The following SS18 variants were observed in gnomAD, a reference collection of about 807,000 sequenced individuals.
SS18 encodes the protein protein SSXT.
In SS18, 28 loss-of-function variants were observed where a neutral mutation model predicts 72.5. That is an observed-to-expected ratio of 0.39 (90% confidence interval 0.29 to 0.53). The LOEUF (loss-of-function observed/expected upper bound fraction) is 0.53. SS18 is among the 20% of genes least tolerant of loss of function. The probability of loss-of-function intolerance (pLI) is 0.76; values close to 1 mark genes in which losing one functional copy is unlikely to be tolerated. For synonymous variants in SS18, 172 were observed against 164.2 expected, an observed-to-expected ratio of 1.05 and a Z score of -0.37; for missense variants, 518 against 535.3, an observed-to-expected ratio of 0.97 and a Z score of 0.32.
rs199913281 is a variant in SS18 at position 26,028,649 on chromosome 18, C to G, written c.1230+3750G>C. Reference sequence around the variant, plus strand: ...AACAATTATGCTGAGTAAAAGAAGCCAGATAAAAACCAGAACATACTATAT... The same window carrying G: ...AACAATTATGCTGAGTAAAAGAAGCGAGATAAAAACCAGAACATACTATAT... On this transcript the variant is annotated intron_variant, in intron 10 of 10. Transcript: ENST00000415083. 5.9e-5 allele frequency among the ~76,000 whole-genome samples: 9 copies of G among 152,060 alleles called. No individual in the cohort carries two copies. In the East Asian group the frequency reaches 1.2e-3, roughly 19 times the overall value.
intron 2 of SS18, among the ~76,000 whole-genome samples, chr18:26,078,715 C>T (rs2054463653): frequency 6.6e-6 from 1 of 152,008 alleles, no homozygotes. Context: ...GTGAAACCCC[C>T]GTCTCTCCTA....
chr18:26,055,840 C>T (rs1229345736), intron 4 of SS18, among the ~76,000 whole-genome samples: 5 of 150,620 alleles, frequency 3.3e-5, no homozygotes, highest in Non-Finnish European at 7.4e-5. Flanking sequence ...TCACTGCAAC[C>T]TCCGCCTCCT....
rs1467956739 is a variant in SS18 at position 26,039,444 on chromosome 18, T to C, written c.620A>G (p.His207Arg). 3 of 1,613,418 alleles carry C rather than the reference T, an allele frequency of 1.9e-6. No homozygotes were observed. The highest frequency in any genetic ancestry group is 2.2e-5 in the East Asian group (1 of 44,866). The change falls in exon 6 of 11, where the codon CAT becomes CGT. Residue 207 changes from histidine (H) to arginine (R), a missense_variant. His to Arg is a conservative substitution (Grantham distance 29). Transcript: ENST00000415083. ...GTATTGCTGAGAAGGAGGCTGCTGA[T>C]GCATCATTGGACCTGAAACAAGACA... ...SMQPNQGPMM[H>R]QQPPSQQYNM...
At chr18:26,040,158 T>C (rs1439134246) in intron 5 of SS18, among the ~76,000 whole-genome samples, 1 of 152,158 alleles carries the variant, frequency 6.6e-6, no homozygotes, top group Non-Finnish European at 1.5e-5. Context: ...GGCAGAGACA[T>C]GCAACAAGCT....
At chr18:26,061,858 T>C (rs959861154) in intron 3 of SS18, among the ~76,000 whole-genome samples, 4 of 152,104 alleles carry the variant, frequency 2.6e-5, no homozygotes, top group African/African-American at 7.2e-5. Context: ...TTAAGAGGAA[T>C]GGAAAAGTAT....
In SS18 at chr18:26,065,800, CATATATAT is replaced by C. The variant is rs58222135; in HGVS notation, c.232-8066_232-8059del. ...AATATATAAAGAATGCCTACAAATC[CATATATAT>C]ATATATATATATATATGATCATTTT... On this transcript the variant is annotated intron_variant, in intron 3 of 10. Transcript: ENST00000415083. Among the ~76,000 whole-genome samples, 189 of 55,602 alleles carry C rather than the reference CATATATAT, an allele frequency of 3.4e-3. 12 individuals are homozygous for C. Among genetic ancestry groups the C allele is most frequent in the South Asian group, 0.017 (21 of 1,230 alleles). 36.5% of individuals were successfully genotyped at this position (55,602 alleles called of 152,430 possible).
chr18:26,046,784 CACA>C (rs1353433391), intron 5 of SS18, among the ~76,000 whole-genome samples: 4 of 152,178 alleles, frequency 2.6e-5, no homozygotes, highest in Non-Finnish European at 5.9e-5. Context: ...AAGGAAGCAA[CACA>C]ACAACAAGCT....
chr18:26,031,654 G>C (rs1234281559), intron 10 of SS18, among the ~76,000 whole-genome samples: 2 of 152,166 alleles, frequency 1.3e-5, no homozygotes, highest in Non-Finnish European at 2.9e-5. Flanking sequence ...AAATAAGGCA[G>C]TTAAATGAAC....
intron 2 of SS18, 184 bp from the exon 3 acceptor site, chr18:26,078,344 A>C (rs919885008): frequency 5.1e-5 from 25 of 492,466 alleles, no homozygotes; most frequent in Admixed American, 3.3e-4. Flanking sequence ...TAATGAGCTC[A>C]GAGATCTTGC....
intron 7 of SS18, among the ~76,000 whole-genome samples, chr18:26,036,178 T>C (rs765258647): frequency 5.1e-5 from 7 of 138,504 alleles, no homozygotes; most frequent in East Asian, 2.1e-4. Flanking sequence ...ATAATCCTCA[T>C]TGAGGGAAAA....
intron 10 of SS18, 27 bp from the exon 11 acceptor site, chr18:26,018,407 T>C (rs1567982789): frequency 2.7e-6 from 4 of 1,455,954 alleles, no homozygotes; most frequent in Non-Finnish European, 2.9e-6. Flanking sequence ...AAAATATAAT[T>C]AGATAATAGT....
chr18:26,029,706 C>G (rs755250700), intron 10 of SS18, among the ~76,000 whole-genome samples: 5 of 152,140 alleles, frequency 3.3e-5, no homozygotes, highest in Non-Finnish European at 7.4e-5. Context: ...TTGCATATTG[C>G]TGTAAGATTC....
intron 9 of SS18, among the ~76,000 whole-genome samples, chr18:26,034,777 A>G (rs1443218540): frequency 6.6e-6 from 1 of 152,168 alleles, no homozygotes; most frequent in African/African-American, 2.4e-5. Flanking sequence ...AAATGACTCC[A>G]CACATTACCT....
chr18:26,087,667 A>C, intron 1 of SS18, 90 bp from the exon 2 acceptor site: 1 of 731,036 alleles, frequency 1.4e-6, no homozygotes, highest in South Asian at 1.7e-5. Context: ...GGCATTAGTA[A>C]ATACTGCTTG....
intron 10 of SS18, among the ~76,000 whole-genome samples, chr18:26,029,753 G>A (rs1285615713): frequency 6.6e-6 from 1 of 152,060 alleles, no homozygotes; most frequent in Non-Finnish European, 1.5e-5. Flanking sequence ...TGTTAGTATT[G>A]GGTTTCAGAA....
chr18:26,051,784 A>G (rs1004327125), intron 5 of SS18, among the ~76,000 whole-genome samples: 1 of 152,202 alleles, frequency 6.6e-6, no homozygotes, highest in African/African-American at 2.4e-5. Flanking sequence ...TGCTTTCAGT[A>G]TATCTCATGA....
chr18:26,064,244 C>G (rs973544864), intron 3 of SS18, among the ~76,000 whole-genome samples: 1 of 152,000 alleles, frequency 6.6e-6, no homozygotes, highest in Non-Finnish European at 1.5e-5. Flanking sequence ...TAATACCTCA[C>G]ACCAATTTTT....
intron 2 of SS18, among the ~76,000 whole-genome samples, chr18:26,080,995 C>A (rs1359952821): frequency 6.6e-6 from 1 of 150,382 alleles, no homozygotes; most frequent in Non-Finnish European, 1.5e-5. Context: ...GCCCTAATAC[C>A]TCCAAATCAT....
intron 3 of SS18, among the ~76,000 whole-genome samples, chr18:26,070,479 T>C (rs1219164754): frequency 6.6e-6 from 1 of 152,236 alleles, no homozygotes; most frequent in Non-Finnish European, 1.5e-5. Flanking sequence ...TGTTAAAATA[T>C]GTGTAAGGTG....
Sources: gnomAD v4.1 joint callset for allele counts (sites outside exome capture counted in the v4.1 genomes callset) on GRCh38, gnomAD v4.1.1 for gene constraint, MANE v1.5 for transcripts, NCBI Gene and HGNC (gene_info 2026-07-23, HGNC 2026-07-21) for gene names.